Variants in AFDN observed in about 807,000 individuals in gnomAD.
AFDN encodes the protein afadin, adherens junction formation factor, also known as afadin.
In AFDN, 68 loss-of-function variants were observed where a neutral mutation model predicts 216.6. The ratio of observed to expected loss-of-function variants is 0.31; its 90% CI spans 0.26 to 0.38. The LOEUF (loss-of-function observed/expected upper bound fraction) is 0.38, where lower values mean the gene tolerates loss of function less well. AFDN is among the 10% of genes least tolerant of loss of function. AFDN has a pLI of 1.00. For synonymous variants in AFDN, 868 were observed against 853.7 expected (o/e 1.02, Z -0.29); for missense variants, 2,136 against 2,342.0 (o/e 0.91, Z 1.82).
At chr6:167,859,586 T>C (rs1289026996) in intron 1 of AFDN, among the ~76,000 whole-genome samples, 4 of 152,194 alleles carry the variant, frequency 2.6e-5, no homozygotes, top group African/African-American at 9.6e-5. Context: ...TTAGAAAGAA[T>C]GATTCTGATT....
intron 21 of AFDN, among the ~76,000 whole-genome samples, chr6:167,920,421 T>C (rs1247658166): frequency 6.6e-6 from 1 of 152,200 alleles, no homozygotes; most frequent in Non-Finnish European, 1.5e-5. Flanking sequence ...ACGGGACTGC[T>C]GAGAAGTATC....
At chr6:167,924,462 T>C (rs984540812) in intron 22 of AFDN, among the ~76,000 whole-genome samples, 1 of 152,200 alleles carries the variant, frequency 6.6e-6, no homozygotes, top group Non-Finnish European at 1.5e-5. Flanking sequence ...AGCAGCGTGC[T>C]CTGGGTGTTG....
rs775397586 is a variant in AFDN at position 167,914,340 on chromosome 6, A to C, written c.2204+27A>C. The stretch of plus-strand genomic sequence containing the variant: ...TAAGGAACACATTTTTGAAGGCGGC[A>C]CTACTCTAAATAATTAAGTCATTTG... On this transcript the variant is annotated intron_variant, in intron 17 of 33. Coordinates refer to ENST00000683244, the MANE Select transcript of AFDN (RefSeq NM_001386888.1). The C allele has an allele frequency of 1.3e-5, 21 of 1,610,050 alleles. No homozygotes were observed. The African/African-American group carries it at 2.5e-4, about 19-fold the overall frequency.
At chr6:167,932,941 G>A (rs1793501518) in intron 23 of AFDN, among the ~76,000 whole-genome samples, 1 of 152,084 alleles carries the variant, frequency 6.6e-6, no homozygotes, top group Non-Finnish European at 1.5e-5. Flanking sequence ...CTTTTGTGCT[G>A]CAAATTCTTA....
chr6:167,910,259 T>C (rs1790220272), intron 13 of AFDN, among the ~76,000 whole-genome samples: 1 of 152,238 alleles, frequency 6.6e-6, no homozygotes, highest in African/African-American at 2.4e-5. Context: ...CAAATGTGTA[T>C]TCAACTGAAA....
At chr6:167,875,614 A>G (rs1332439728) in intron 5 of AFDN, 119 bp downstream of exon 5, 2 of 1,024,908 alleles carry the variant, frequency 2.0e-6, no homozygotes, top group Non-Finnish European at 2.9e-6. Context: ...TTTCATAACA[A>G]ATGTGTACCA....
At chr6:167,895,784 T>C (rs545765044) in intron 9 of AFDN, among the ~76,000 whole-genome samples, 1 of 152,284 alleles carries the variant, frequency 6.6e-6, no homozygotes, top group East Asian at 1.9e-4. Flanking sequence ...CTAATTGCAG[T>C]GACTAGAGAT....
intron 1 of AFDN, among the ~76,000 whole-genome samples, chr6:167,850,307 G>C (rs1307040708): frequency 6.6e-6 from 1 of 152,072 alleles, no homozygotes; most frequent in Non-Finnish European, 1.5e-5. Context: ...TTAAGATAGT[G>C]GAGGCTTGAA....
At chr6:167,895,645 C>G (rs1227391048) in intron 9 of AFDN, among the ~76,000 whole-genome samples, 2 of 152,178 alleles carry the variant, frequency 1.3e-5, no homozygotes, top group African/African-American at 4.8e-5. Flanking sequence ...ACAGGACTTG[C>G]ATTTTTATGG....
chr6:167,882,999 C>T (rs35037695), intron 6 of AFDN, among the ~76,000 whole-genome samples: 81,064 of 151,570 alleles, frequency 0.53, 22,441 homozygotes, highest in African/African-American at 0.61. Context: ...CCAGGTGTTA[C>T]GTGGATGGAA....
chr6:167,866,224 G>T (rs1784168248), intron 2 of AFDN, among the ~76,000 whole-genome samples: 1 of 152,034 alleles, frequency 6.6e-6, no homozygotes, highest in Non-Finnish European at 1.5e-5. Flanking sequence ...GGATGAATTT[G>T]ATTTTTTAAA....
At chr6:167,947,044 A>G in intron 27 of AFDN, 143 bp downstream of exon 27, 5 of 689,200 alleles carry the variant, frequency 7.3e-6, no homozygotes, top group Non-Finnish European at 1.2e-5. Context: ...AAGGGATATC[A>G]TAAGTAACAT....
intron 21 of AFDN, among the ~76,000 whole-genome samples, chr6:167,920,536 A>G (rs1271917663): frequency 6.6e-6 from 1 of 152,136 alleles, no homozygotes; most frequent in Non-Finnish European, 1.5e-5. Context: ...GTCCTCGGAC[A>G]GTCTCCTCAC....
intron 23 of AFDN, among the ~76,000 whole-genome samples, chr6:167,939,167 A>G (rs1445449556): frequency 6.6e-6 from 1 of 152,182 alleles, no homozygotes; most frequent in Non-Finnish European, 1.5e-5. Context: ...AAAATGCTGT[A>G]TTACTAATAT....
chr6:167,946,601 T>C, intron 26 of AFDN, 106 bp from the exon 27 acceptor site: 2 of 968,130 alleles, frequency 2.1e-6, no homozygotes, highest in South Asian at 3.3e-5. Flanking sequence ...GAATTGACCT[T>C]TATCACCTTA....
intron 23 of AFDN, among the ~76,000 whole-genome samples, chr6:167,926,582 C>G (rs1028052930): frequency 6.6e-6 from 1 of 152,218 alleles, no homozygotes; most frequent in East Asian, 1.9e-4. Context: ...CAGGAGCATA[C>G]CACCATGCCT....
At chr6:167,867,926 A>T (rs1378920188) in intron 2 of AFDN, among the ~76,000 whole-genome samples, 1 of 152,094 alleles carries the variant, frequency 6.6e-6, no homozygotes, top group African/African-American at 2.4e-5. Flanking sequence ...TAAAATTTAA[A>T]TTTTTGGCAT....
intron 11 of AFDN, among the ~76,000 whole-genome samples, chr6:167,901,975 A>G (rs1789024966): frequency 6.6e-6 from 1 of 151,384 alleles, no homozygotes; most frequent in Admixed American, 6.6e-5. Context: ...TGTCTGTAAT[A>G]CCAGTTATTT....
At chr6:167,924,338 C>T (rs767215927) in intron 22 of AFDN, among the ~76,000 whole-genome samples, 22 of 152,094 alleles carry the variant, frequency 1.4e-4, no homozygotes, top group African/African-American at 5.1e-4. Flanking sequence ...GTATAGAATA[C>T]GTAACTTCAA....
Sources: gnomAD v4.1 joint callset for allele counts (sites outside exome capture counted in the v4.1 genomes callset) on GRCh38, gnomAD v4.1.1 for gene constraint, MANE v1.5 for transcripts, NCBI Gene and HGNC (gene_info 2026-07-23, HGNC 2026-07-21) for gene names.